LIMCH1: variants seen among roughly 807,000 people sequenced by gnomAD.
LIMCH1 encodes LIM and calponin homology domains 1.
A neutral mutation model predicts 176.5 loss-of-function variants in LIMCH1; 113 were observed. The observed-to-expected ratio is 0.64, with a 90% CI of 0.55 to 0.75. LIMCH1 has a LOEUF of 0.75. Among genes scored for constraint, LIMCH1 ranks in the 30% least tolerant of loss-of-function variants. The pLI is 0.00. For synonymous variants in LIMCH1, 619 were observed against 645.9 expected (o/e 0.96, Z 0.63); for missense variants, 1,674 against 1,814.9 (o/e 0.92, Z 1.41).
chr4:41,366,768 A>G (rs1032599665), intron 1 of LIMCH1, among the ~76,000 whole-genome samples: 1 of 152,248 alleles, frequency 6.6e-6, no homozygotes, highest in Admixed American at 6.5e-5. Flanking sequence ...CTGTGATAAA[A>G]TTCCATGTTT....
In LIMCH1 at chr4:41,653,089, T is replaced by G. The variant is rs77369009; in HGVS notation, c.3036+2481T>G. ...ATTACTTTCTGTGTGGGAAAATCTCTGTATATATCTGTCAGACTATAAGCT... is the reference window on the plus strand; with the variant it reads ...ATTACTTTCTGTGTGGGAAAATCTCGGTATATATCTGTCAGACTATAAGCT... On this transcript the variant is annotated intron_variant, in intron 18 of 31. Transcript: ENST00000503057. Among the ~76,000 whole-genome samples, 23 of 152,312 alleles carry G rather than the reference T, an allele frequency of 1.5e-4. No homozygotes were observed. In the East Asian group the frequency reaches 4.4e-3, roughly 29 times the overall value.
chr4:41,403,303 G>A lies in LIMCH1; in HGVS notation c.96+42367G>A, dbSNP rs970362853. Among the ~76,000 whole-genome samples, 12 of 152,168 alleles carry A rather than the reference G, an allele frequency of 7.9e-5. No homozygotes were observed. In the South Asian group the frequency reaches 8.3e-4, roughly 11 times the overall value. ...TTTGTTTCATGGGACCCATCACGCC[G>A]GGCACGGTGGTTCACAACTGTAATC... On this transcript the variant is annotated intron_variant, in intron 1 of 26. Transcript: ENST00000313860.
chr4:41,360,986 G>C lies in LIMCH1; in HGVS notation c.96+50G>C, dbSNP rs777607095. 2.9e-5 allele frequency: 40 copies of C among 1,379,496 alleles called. No individual in the cohort carries two copies. In the Admixed American group the frequency reaches 8.1e-4, roughly 28 times the overall value. The allele number at this position is 1,379,496 out of a possible 1,614,324, so 85.5% of individuals were successfully genotyped here. A position where few individuals can be genotyped will look rare whatever the true frequency, so the allele number is the denominator to read the frequency against. On this transcript the variant is annotated intron_variant, in intron 1 of 26. Transcript: ENST00000313860. This position sits in a 1 kb window ranked among gnomAD's most constrained non-coding sequence, Gnocchi z 4.5. ...GCCTTGCACTGGCGCCCTGAGCCAC[G>C]GACCCGCGCACGCTCCGACCGCAGG...
intron 1 of LIMCH1, among the ~76,000 whole-genome samples, chr4:41,438,805 G>A (rs2062387878): frequency 6.6e-6 from 1 of 152,056 alleles, no homozygotes; most frequent in African/African-American, 2.4e-5. Flanking sequence ...CAGGCCAGTT[G>A]GCCAACACCT....
intron 1 of LIMCH1, among the ~76,000 whole-genome samples, chr4:41,465,889 T>C (rs2066031884): frequency 6.6e-6 from 1 of 151,912 alleles, no homozygotes; most frequent in Non-Finnish European, 1.5e-5. Context: ...GTTTTCACAC[T>C]ACAGTGGCAG....
At chr4:41,682,070 A>AAATGAGCGG (rs2153048079) in intron 25 of LIMCH1, among the ~76,000 whole-genome samples, 1 of 152,342 alleles carries the variant, frequency 6.6e-6, no homozygotes, top group African/African-American at 2.4e-5. Context: ...ATTTGTCCTG[A>AAATGAGCGG]AATGAGCGGT....
At chr4:41,629,149 G>A (rs370042419) in intron 8 of LIMCH1, among the ~76,000 whole-genome samples, 58 of 152,296 alleles carry the variant, frequency 3.8e-4, no homozygotes, top group African/African-American at 1.3e-3. Flanking sequence ...ATTCATTACA[G>A]TAACTTGAAT....
At chr4:41,509,198 A>G (rs960987302) in intron 2 of LIMCH1, among the ~76,000 whole-genome samples, 3 of 152,142 alleles carry the variant, frequency 2.0e-5, no homozygotes, top group African/African-American at 7.2e-5. Flanking sequence ...ATGACTTTAG[A>G]CTGGTCCCTA....
At chr4:41,373,748 G>A (rs2054315399) in intron 1 of LIMCH1, among the ~76,000 whole-genome samples, 1 of 152,158 alleles carries the variant, frequency 6.6e-6, no homozygotes, top group Non-Finnish European at 1.5e-5. Context: ...ACCATGCTAT[G>A]GGGTGTGATA....
chr4:41,634,849 A>G (rs893981593), intron 13 of LIMCH1, among the ~76,000 whole-genome samples: 3 of 152,212 alleles, frequency 2.0e-5, no homozygotes, highest in Admixed American at 6.5e-5. Flanking sequence ...CGAGCTGGTT[A>G]GGACTGGGAA....
intron 1 of LIMCH1, among the ~76,000 whole-genome samples, chr4:41,401,565 G>A (rs1347958080): frequency 1.3e-5 from 2 of 152,078 alleles, no homozygotes; most frequent in Non-Finnish European, 2.9e-5. Flanking sequence ...CCAATTCTGT[G>A]AAGAAAGTCA....
intron 1 of LIMCH1, among the ~76,000 whole-genome samples, chr4:41,486,973 T>TACACACAC (rs1554068488): frequency 2.6e-4 from 23 of 86,806 alleles, no homozygotes; most frequent in African/African-American, 1.2e-3. Context: ...CACACACACA[T>TACACACAC]ACATACACAC....
chr4:41,560,619 C>T (rs1324689716), intron 1 of LIMCH1, among the ~76,000 whole-genome samples: 1 of 152,238 alleles, frequency 6.6e-6, no homozygotes, highest in South Asian at 2.1e-4. Flanking sequence ...GGCATGATGG[C>T]TCACGCCTAT....
intron 22 of LIMCH1, among the ~76,000 whole-genome samples, chr4:41,673,834 G>C (rs546416702): frequency 2.6e-5 from 4 of 152,322 alleles, no homozygotes; most frequent in African/African-American, 9.6e-5. Context: ...GTAGGACAAA[G>C]TGGGTTAAAT....
intron 13 of LIMCH1, among the ~76,000 whole-genome samples, chr4:41,634,708 G>A (rs1370080586): frequency 2.6e-5 from 4 of 152,230 alleles, no homozygotes; most frequent in Admixed American, 2.6e-4. Context: ...CGTTTCCTGT[G>A]TGTCTGCTCC....
At position 41,629,687 on chromosome 4, in the gene LIMCH1, A is replaced by C; in HGVS notation, c.1224A>C (p.Glu408Asp). 6.5e-7 allele frequency: 1 copy of C among 1,536,076 alleles called. No individual in the cohort carries two copies. The highest frequency in any genetic ancestry group is 8.7e-7 in the Non-Finnish European group (1 of 1,146,876). Residue 408 changes from glutamate (E) to aspartate (D), a missense_variant, in exon 9 of 32, where the codon GAA (glutamate) becomes GAC (aspartate). Transcript: ENST00000503057. Reference protein sequence around the residue: ...PSFITLSNITEADLETWERLK... With the variant: ...PSFITLSNITDADLETWERLK... ...TCATTACGCTCTCCAACATAACAGA[A>C]GCTGACTTGGAGACGTGGGAGAGAC...
Position 41,375,649 on chromosome 4 carries a change from C to T in LIMCH1, c.96+14713C>T, listed in dbSNP as rs74514743. The stretch of plus-strand genomic sequence containing the variant: ...TGCAGTTGCTGTTCACCGGACACTC[C>T]GGGTCCAGGGGGTGTGCAGCTCTGT... On this transcript the variant is annotated intron_variant, in intron 1 of 26. Transcript: ENST00000313860. 8.3e-4 allele frequency among the ~76,000 whole-genome samples: 126 copies of T among 152,254 alleles called. 1 individual carries two copies. In the East Asian group the frequency reaches 0.021, roughly 25 times the overall value.
intron 1 of LIMCH1, among the ~76,000 whole-genome samples, chr4:41,579,174 G>GA (rs2152669268): frequency 6.6e-6 from 1 of 151,960 alleles, no homozygotes; most frequent in African/African-American, 2.4e-5. Flanking sequence ...TTATAGAAAT[G>GA]TCAAGTGTAA....
intron 1 of LIMCH1, among the ~76,000 whole-genome samples, chr4:41,441,887 G>A (rs556176337): frequency 1.1e-4 from 17 of 152,136 alleles, no homozygotes; most frequent in African/African-American, 4.1e-4. Context: ...TGTTTTTGAT[G>A]TGGGATATCT....
Sources: allele counts gnomAD v4.1 joint callset (sites outside exome capture counted in the v4.1 genomes callset), GRCh38; gene constraint gnomAD v4.1.1; non-coding constraint Gnocchi (gnomAD v3.1); transcripts MANE v1.5; gene names NCBI Gene and HGNC (gene_info 2026-07-23, HGNC 2026-07-21).